Variants in KCNH7 observed in about 807,000 individuals in gnomAD.
The protein encoded by KCNH7 is potassium voltage-gated channel subfamily H member 7, also known as voltage-gated inwardly rectifying potassium channel KCNH7.
KCNH7 carries 49 observed loss-of-function variants against 120.8 expected under a neutral mutation model. The observed-to-expected ratio is 0.41, with a 90% confidence interval of 0.32 to 0.51. The LOEUF is 0.51. Among genes scored for constraint, KCNH7 ranks in the 20% least tolerant of loss-of-function variants. KCNH7 has a pLI of 0.38. For missense variants in KCNH7, 1,097 were observed against 1,446.6 expected, an observed-to-expected ratio of 0.76 and a Z score of 3.92; for synonymous variants, 547 against 516.1, an observed-to-expected ratio of 1.06 and a Z score of -0.81.
chr2:162,578,913 C>T (rs1693776393), intron 2 of KCNH7, among the ~76,000 whole-genome samples: 1 of 150,716 alleles, frequency 6.6e-6, no homozygotes, highest in Admixed American at 6.6e-5. Flanking sequence ...AATTAGTTTT[C>T]ATTCAGATTT....
intron 2 of KCNH7, among the ~76,000 whole-genome samples, chr2:162,647,565 T>C (rs1045100060): frequency 6.6e-6 from 1 of 152,088 alleles, no homozygotes; most frequent in African/African-American, 2.4e-5. Context: ...GCGAAGGTGG[T>C]TTCCCCCATA....
intron 2 of KCNH7, among the ~76,000 whole-genome samples, chr2:162,601,399 C>CTTTTTTTTTTTTTTTTTTTTTT (rs60201823): frequency 1.0e-4 from 1 of 9,602 alleles, no homozygotes; most frequent in Non-Finnish European, 1.7e-4. Flanking sequence ...ACTTCTTGTG[C>CTTTTTTTTTTTTTTTTTTTTTT]TTTTTTTTTT....
At chr2:162,640,804 T>C (rs1478113546) in intron 2 of KCNH7, among the ~76,000 whole-genome samples, 1 of 152,086 alleles carries the variant, frequency 6.6e-6, no homozygotes, top group Non-Finnish European at 1.5e-5. Flanking sequence ...GTATCTAGAA[T>C]ATGTAAAGAC....
At chr2:162,551,049 T>C (rs1291989417) in intron 2 of KCNH7, among the ~76,000 whole-genome samples, 1 of 152,106 alleles carries the variant, frequency 6.6e-6, no homozygotes, top group Non-Finnish European at 1.5e-5. Context: ...GGATAAAATA[T>C]AATAGACTTA....
intron 2 of KCNH7, among the ~76,000 whole-genome samples, chr2:162,798,276 T>C (rs1684216685): frequency 6.6e-6 from 1 of 152,084 alleles, no homozygotes; most frequent in African/African-American, 2.4e-5. Flanking sequence ...TTATTCCTTG[T>C]GAATTGGCCG....
intron 2 of KCNH7, among the ~76,000 whole-genome samples, chr2:162,698,214 TA>T (rs1380402280): frequency 6.6e-6 from 1 of 152,160 alleles, no homozygotes; most frequent in Non-Finnish European, 1.5e-5. Context: ...ATGAATGAAA[TA>T]CTACCGATAT....
At chr2:162,455,656 T>C (rs1688938748) in intron 6 of KCNH7, among the ~76,000 whole-genome samples, 1 of 152,204 alleles carries the variant, frequency 6.6e-6, no homozygotes, top group Admixed American at 6.5e-5. Flanking sequence ...TCTTACTGGT[T>C]GAGTCTTGGG....
intron 2 of KCNH7, among the ~76,000 whole-genome samples, chr2:162,571,577 T>C (rs1279894469): frequency 1.6e-4 from 24 of 148,666 alleles, no homozygotes; most frequent in African/African-American, 5.0e-4. Flanking sequence ...AAAAAGAGCC[T>C]GCATCGCCAA....
intron 6 of KCNH7, among the ~76,000 whole-genome samples, chr2:162,488,731 T>C (rs1690190886): frequency 6.6e-6 from 1 of 152,220 alleles, no homozygotes; most frequent in East Asian, 1.9e-4. Flanking sequence ...TGTTTTGCAG[T>C]GTTCTTCCTT....
chr2:162,402,995 A>C (rs956804231), intron 9 of KCNH7, among the ~76,000 whole-genome samples: 18 of 151,948 alleles, frequency 1.2e-4, no homozygotes, highest in Non-Finnish European at 7.4e-5. Context: ...AAATTACTTA[A>C]CTTCTCTGAA....
intron 9 of KCNH7, among the ~76,000 whole-genome samples, chr2:162,413,702 A>G (rs1687459612): frequency 6.6e-6 from 1 of 152,070 alleles, no homozygotes; most frequent in African/African-American, 2.4e-5. Context: ...ATATATTCCA[A>G]AAGTTTAGTA....
At chr2:162,618,072 T>G (rs1212743890) in intron 2 of KCNH7, among the ~76,000 whole-genome samples, 1 of 151,908 alleles carries the variant, frequency 6.6e-6, no homozygotes, top group Non-Finnish European at 1.5e-5. Flanking sequence ...AAACCTAGCT[T>G]TAGTAAAGAG....
chr2:162,541,263 G>A (rs980520218), intron 2 of KCNH7, among the ~76,000 whole-genome samples: 2 of 152,060 alleles, frequency 1.3e-5, no homozygotes, highest in Admixed American at 6.6e-5. Flanking sequence ...TATAAGGACT[G>A]GATGAGGTCA....
chr2:162,690,564 A>T (rs1033070090), intron 2 of KCNH7, among the ~76,000 whole-genome samples: 2 of 152,138 alleles, frequency 1.3e-5, no homozygotes, highest in Non-Finnish European at 2.9e-5. Context: ...TGCCTTTTAG[A>T]TTAAAAAATA....
At chr2:162,614,720 A>G (rs550025003) in intron 2 of KCNH7, among the ~76,000 whole-genome samples, 1 of 148,548 alleles carries the variant, frequency 6.7e-6, no homozygotes, top group African/African-American at 2.4e-5. Context: ...ACTACATATT[A>G]TATATATATT....
At chr2:162,376,205 G>A (rs565773889) in intron 14 of KCNH7, among the ~76,000 whole-genome samples, 1 of 152,038 alleles carries the variant, frequency 6.6e-6, no homozygotes, top group South Asian at 2.1e-4. Context: ...AACCACTTAG[G>A]AAAGACAAAT....
rs747901652 is a variant in KCNH7, at chr2:162,517,905, A to G, written c.717T>C (p.Ser239=). The G allele has an allele frequency of 6.2e-7, 1 of 1,611,864 alleles. No homozygotes were observed. The highest frequency in any genetic ancestry group is 8.5e-7 in the Non-Finnish European group (1 of 1,178,572). ...AGAGTCGGTCCCATTGCCTTTTGGG[A>G]GAGGAATGGTCAAGAGGTCCGGATA... ...VNISGPLDHS[S]PKRQWDRLYP... The change falls in exon 4 of 16, where the codon TCT becomes TCC. Residue 239 remains serine, a synonymous_variant. Transcript: ENST00000332142.
intron 2 of KCNH7, among the ~76,000 whole-genome samples, chr2:162,691,390 G>C (rs1223506726): frequency 6.6e-6 from 1 of 152,060 alleles, no homozygotes; most frequent in Non-Finnish European, 1.5e-5. Context: ...TTGTTTGAGT[G>C]AATTTTTACC....
At chr2:162,380,749 A>G (rs949210068) in intron 13 of KCNH7, among the ~76,000 whole-genome samples, 5 of 152,100 alleles carry the variant, frequency 3.3e-5, no homozygotes, top group Admixed American at 6.6e-5. Flanking sequence ...CAGGTCTACT[A>G]TTTAAAATGT....
Sources: allele counts gnomAD v4.1 joint callset (sites outside exome capture counted in the v4.1 genomes callset), GRCh38; gene constraint gnomAD v4.1.1; transcripts MANE v1.5; gene names NCBI Gene and HGNC (gene_info 2026-07-23, HGNC 2026-07-21).